Variants in ERCC6L2 observed in about 807,000 individuals in gnomAD.
The protein encoded by ERCC6L2 is DNA excision repair protein ERCC-6-like 2.
Under a neutral mutation model 132.0 loss-of-function variants are expected in ERCC6L2, and 77 were observed. The ratio of observed to expected loss-of-function variants is 0.58; its 90% CI spans 0.49 to 0.71. ERCC6L2 has a LOEUF of 0.71. ERCC6L2 is among the 30% of genes least tolerant of loss of function. ERCC6L2 has a pLI of 0.00. For synonymous variants in ERCC6L2, 583 were observed against 632.4 expected (o/e 0.92, Z 1.17); for missense variants, 1,542 against 1,837.6 (o/e 0.84, Z 2.94).
Position 96,015,482 on chromosome 9 carries a change from C to T in ERCC6L2, c.*2279C>T, listed in dbSNP as rs1194609801. Among the ~76,000 whole-genome samples the T allele has an allele frequency of 1.3e-5, 2 of 151,740 alleles. No homozygotes were observed. The highest frequency in any genetic ancestry group is 4.0e-4 in the East Asian group (2 of 5,058). ...GGATTACAGGTGTGAGCCACCATGC[C>T]CAGCCAATAAATGCTATTAAAGAAA... On this transcript the variant is annotated 3_prime_UTR_variant, in exon 19 of 19. Coordinates refer to ENST00000653738, the MANE Select transcript of ERCC6L2 (RefSeq NM_020207.7).
chr9:95,923,679 C>T (rs966908019), intron 9 of ERCC6L2, among the ~76,000 whole-genome samples: 3 of 152,084 alleles, frequency 2.0e-5, no homozygotes, highest in African/African-American at 7.2e-5. Flanking sequence ...TAGATAATAG[C>T]TTGTCTTCAG....
chr9:95,959,110 T>C (rs903095952), intron 13 of ERCC6L2, among the ~76,000 whole-genome samples: 18 of 152,054 alleles, frequency 1.2e-4, no homozygotes, highest in Non-Finnish European at 2.2e-4. Flanking sequence ...GGAGGCATCA[T>C]GCTACCTGAC....
chr9:95,924,802 G>T (rs1830032402), intron 9 of ERCC6L2, among the ~76,000 whole-genome samples: 1 of 152,098 alleles, frequency 6.6e-6, no homozygotes, highest in Non-Finnish European at 1.5e-5. Flanking sequence ...GGAGGGAAAA[G>T]GTAAGCATAA....
At chr9:95,966,485 T>C (rs965494486) in intron 13 of ERCC6L2, 77 bp from the exon 14 acceptor site, 1 of 1,320,790 alleles carries the variant, frequency 7.6e-7, no homozygotes, top group African/African-American at 1.5e-5. Context: ...GCTGTGTATA[T>C]ACAGGGAATG....
chr9:95,921,225 G>A lies in ERCC6L2; in HGVS notation c.1209G>A (p.Val403=). The A allele has an allele frequency of 1.2e-6, 2 of 1,613,484 alleles. No individual in the cohort carries two copies. Among genetic ancestry groups the A allele is most frequent in the Non-Finnish European group, 1.7e-6 (2 of 1,179,544 alleles). ...TDFQKAVYQT[V]LETEDVTLIL... ...TCCAGAAAGCTGTCTATCAAACAGTGTTAGAAACAGAGGACGTGACTTTGA... is the reference window on the plus strand; with the variant it reads ...TCCAGAAAGCTGTCTATCAAACAGTATTAGAAACAGAGGACGTGACTTTGA... The change falls in exon 7 of 19, where the codon GTG becomes GTA. Residue 403 remains valine, a synonymous_variant. Coordinates refer to ENST00000653738, the MANE Select transcript of ERCC6L2 (RefSeq NM_020207.7).
intron 13 of ERCC6L2, among the ~76,000 whole-genome samples, chr9:95,958,352 G>A (rs1216203918): frequency 2.0e-5 from 3 of 152,026 alleles, no homozygotes; most frequent in East Asian, 1.9e-4. Flanking sequence ...ATGATTCATA[G>A]TCCTTTGGGT....
intron 18 of ERCC6L2, among the ~76,000 whole-genome samples, chr9:96,010,459 C>T (rs1833990156): frequency 6.6e-6 from 1 of 152,186 alleles, no homozygotes; most frequent in Non-Finnish European, 1.5e-5. Context: ...CTCTGTTTTG[C>T]ATAGGATAAA....
Position 96,012,981 on chromosome 9 carries a change from T to C in ERCC6L2, c.4431T>C (p.Asp1477=). The change falls in exon 19 of 19, where the codon GAT becomes GAC. Residue 1477 remains aspartate (D), a synonymous_variant. Transcript: ENST00000653738. The part of the protein sequence containing the change: ...PMEKAKQRPK[D]FWDILNEQND... ...AAAAAGCAAAACAGAGACCAAAAGA[T>C]TTCTGGGACATCTTGAATGAGCAGA... The C allele has an allele frequency of 7.3e-7, 1 of 1,367,456 alleles. No homozygotes were observed. The highest frequency in any genetic ancestry group is 9.8e-7 in the Non-Finnish European group (1 of 1,021,738). 84.7% of individuals were successfully genotyped at this position (1,367,456 alleles called of 1,614,324 possible).
At chr9:96,033,305 G>A (rs1834483579) in intron 19 of ERCC6L2, among the ~76,000 whole-genome samples, 1 of 151,944 alleles carries the variant, frequency 6.6e-6, no homozygotes, top group African/African-American at 2.4e-5. Context: ...GAGTGCAATG[G>A]TGTGGTCTCA....
At chr9:95,918,409 T>C in intron 6 of ERCC6L2, 1 of 395,956 alleles carries the variant, frequency 2.5e-6, no homozygotes, top group South Asian at 2.0e-5. Flanking sequence ...AGAGAGATAC[T>C]GAAGGAACAA....
intron 4 of ERCC6L2, among the ~76,000 whole-genome samples, chr9:95,913,488 T>TTCTC (rs1829440123): frequency 6.6e-6 from 1 of 152,124 alleles, no homozygotes; most frequent in Non-Finnish European, 1.5e-5. Context: ...CTTTCTCTCT[T>TTCTC]TCTTTCTTTC....
chr9:95,978,728 A>G (rs917558589), intron 17 of ERCC6L2, among the ~76,000 whole-genome samples: 1 of 152,180 alleles, frequency 6.6e-6, no homozygotes, highest in African/African-American at 2.4e-5. Flanking sequence ...TTGTTTATAC[A>G]TAGTCACTTT....
At chr9:95,882,876 C>G (rs1026841049) in intron 2 of ERCC6L2, among the ~76,000 whole-genome samples, 3 of 152,158 alleles carry the variant, frequency 2.0e-5, no homozygotes, top group Non-Finnish European at 2.9e-5. Context: ...GTTTATTCCA[C>G]AAACTATCAT....
intron 3 of ERCC6L2, among the ~76,000 whole-genome samples, chr9:95,906,089 G>A (rs1195930871): frequency 2.0e-5 from 3 of 152,126 alleles, no homozygotes; most frequent in East Asian, 3.9e-4. Flanking sequence ...AGAGAGTTAC[G>A]TTGGTAATCC....
At chr9:95,961,116 A>T in intron 13 of ERCC6L2, among the ~76,000 whole-genome samples, 1 of 152,220 alleles carries the variant, frequency 6.6e-6, no homozygotes, top group African/African-American at 2.4e-5. Flanking sequence ...AGTCCATTGC[A>T]CCCCTTCCCC....
At chr9:95,964,920 T>G (rs1306869310) in intron 13 of ERCC6L2, among the ~76,000 whole-genome samples, 1 of 152,150 alleles carries the variant, frequency 6.6e-6, no homozygotes, top group Non-Finnish European at 1.5e-5. Context: ...AGACTCAAAT[T>G]AAGGCTTACA....
chr9:95,975,557 C>G, intron 16 of ERCC6L2, among the ~76,000 whole-genome samples: 1 of 134,958 alleles, frequency 7.4e-6, no homozygotes. Flanking sequence ...TAGCTTGTGT[C>G]TTCATGTTGG....
chr9:96,032,780 C>T (rs1029854132), intron 19 of ERCC6L2, among the ~76,000 whole-genome samples: 1 of 152,228 alleles, frequency 6.6e-6, no homozygotes, highest in Non-Finnish European at 1.5e-5. Flanking sequence ...ACAAACCCCA[C>T]CTAGCACCTC....
At chr9:96,028,364 T>C (rs1834410368) in intron 19 of ERCC6L2, among the ~76,000 whole-genome samples, 1 of 152,172 alleles carries the variant, frequency 6.6e-6, no homozygotes, top group African/African-American at 2.4e-5. Flanking sequence ...ATCCCTTCCT[T>C]GAGATTAGAG....
Sources: gnomAD v4.1 joint callset for allele counts (sites outside exome capture counted in the v4.1 genomes callset) on GRCh38, gnomAD v4.1.1 for gene constraint, MANE v1.5 for transcripts, NCBI Gene and HGNC (gene_info 2026-07-23, HGNC 2026-07-21) for gene names.